The following RALYL variants were observed in gnomAD, a reference collection of about 807,000 sequenced individuals.
The protein encoded by RALYL is RNA-binding Raly-like protein.
Under a neutral mutation model 35.1 loss-of-function variants are expected in RALYL, and 29 were observed. That is an observed-to-expected ratio of 0.83 (90% confidence interval 0.61 to 1.13). RALYL has a LOEUF of 1.13. Among genes scored for constraint, RALYL ranks in the 50% most tolerant of loss-of-function variants. The probability of loss-of-function intolerance (pLI) is 0.00; values close to 1 mark genes in which losing one functional copy is unlikely to be tolerated. For synonymous variants in RALYL, 120 were observed against 127.6 expected (o/e 0.94, Z 0.40); for missense variants, 359 against 360.4 (o/e 1.00, Z 0.03).
At chr8:84,862,479 C>G in intron 6 of RALYL, 26 bp downstream of exon 6, 1 of 1,517,398 alleles carries the variant, frequency 6.6e-7, no homozygotes, top group Admixed American at 2.2e-5. Flanking sequence ...CATTTTATTT[C>G]TCTTTAAAGA....
At chr8:84,488,034 G>T (rs1488430802) in intron 1 of RALYL, among the ~76,000 whole-genome samples, 1 of 152,004 alleles carries the variant, frequency 6.6e-6, no homozygotes, top group Admixed American at 6.6e-5. Context: ...AACCAAAATA[G>T]CTTTTATTGA....
intron 1 of RALYL, among the ~76,000 whole-genome samples, chr8:84,185,776 T>C (rs925377552): frequency 5.3e-5 from 8 of 152,194 alleles, no homozygotes; most frequent in African/African-American, 1.9e-4. Context: ...TCTAGGTAAC[T>C]ACAGAAATAA....
chr8:84,316,627 T>C (rs1236502196), intron 1 of RALYL, among the ~76,000 whole-genome samples: 3 of 152,168 alleles, frequency 2.0e-5, no homozygotes, highest in Admixed American at 6.6e-5. Context: ...GATCTATTTC[T>C]TTTTTATTAA....
At chr8:84,651,251 A>G (rs1012341259) in intron 2 of RALYL, among the ~76,000 whole-genome samples, 1 of 151,784 alleles carries the variant, frequency 6.6e-6, no homozygotes, top group Non-Finnish European at 1.5e-5. Context: ...TTAAAATAAA[A>G]TAAAATTTAT....
intron 8 of RALYL, among the ~76,000 whole-genome samples, chr8:84,890,704 C>T (rs548608756): frequency 2.0e-5 from 3 of 152,112 alleles, no homozygotes; most frequent in Non-Finnish European, 2.9e-5. Context: ...ACTGTTATCA[C>T]GTTATCAATC....
chr8:84,451,471 T>A (rs758766970), intron 1 of RALYL, among the ~76,000 whole-genome samples: 2 of 151,986 alleles, frequency 1.3e-5, no homozygotes, highest in African/African-American at 2.4e-5. Context: ...ACTCATATAT[T>A]TATTTTCATT....
chr8:84,690,588 A>T (rs1407345286), intron 2 of RALYL, among the ~76,000 whole-genome samples: 1 of 152,136 alleles, frequency 6.6e-6, no homozygotes, highest in Non-Finnish European at 1.5e-5. Flanking sequence ...ATATCAAAAC[A>T]TATACAATTA....
chr8:84,835,807 T>C (rs1239363174), intron 4 of RALYL, among the ~76,000 whole-genome samples: 1 of 152,012 alleles, frequency 6.6e-6, no homozygotes, highest in Non-Finnish European at 1.5e-5. Flanking sequence ...ATGCAAAAGA[T>C]TGTGTCAAGA....
intron 1 of RALYL, among the ~76,000 whole-genome samples, chr8:84,424,940 C>A (rs1250499309): frequency 6.6e-6 from 1 of 151,568 alleles, no homozygotes; most frequent in African/African-American, 2.4e-5. Flanking sequence ...GGGAGAACCA[C>A]TCCTCTCTTC....
At chr8:84,462,332 AC>A (rs1398953264) in intron 1 of RALYL, among the ~76,000 whole-genome samples, 1 of 151,230 alleles carries the variant, frequency 6.6e-6, no homozygotes, top group African/African-American at 2.4e-5. Context: ...TATGTTTTGG[AC>A]ACCAGTCTCT....
rs184411554 is a variant in RALYL at position 84,438,635 on chromosome 8, G to A, written c.-23-90664G>A. Among the ~76,000 whole-genome samples, 22 of 151,778 alleles carry A rather than the reference G, an allele frequency of 1.4e-4. No individual in the cohort carries two copies. In the East Asian group the frequency reaches 3.1e-3, roughly 21 times the overall value. On this transcript the variant is annotated intron_variant, in intron 1 of 8. Transcript: ENST00000521268. ...TCAGATTCCTGAGCTCAAGTGATTC[G>A]CCCACCTTGACCTCCCAAAGTACTG...
At chr8:84,293,480 T>TA (rs1321693625) in intron 1 of RALYL, among the ~76,000 whole-genome samples, 8 of 152,070 alleles carry the variant, frequency 5.3e-5, no homozygotes, top group Non-Finnish European at 1.2e-4. Context: ...TTTCTACACA[T>TA]CACCTCTTGG....
At chr8:84,266,683 T>C (rs1833359259) in intron 1 of RALYL, among the ~76,000 whole-genome samples, 2 of 152,078 alleles carry the variant, frequency 1.3e-5, no homozygotes, top group African/African-American at 4.8e-5. Context: ...GTCCTTTAAA[T>C]TGATGTGAGA....
chr8:84,356,731 G>A (rs1851911174), intron 1 of RALYL, among the ~76,000 whole-genome samples: 2 of 150,172 alleles, frequency 1.3e-5, no homozygotes, highest in Non-Finnish European at 3.0e-5. Context: ...CTTTTGATTA[G>A]TAATCTGAAA....
intron 1 of RALYL, among the ~76,000 whole-genome samples, chr8:84,265,772 G>T (rs147369892): frequency 6.6e-6 from 1 of 152,248 alleles, no homozygotes; most frequent in African/African-American, 2.4e-5. Context: ...TGATTGGTTT[G>T]ATAGTACCAT....
intron 2 of RALYL, among the ~76,000 whole-genome samples, chr8:84,633,043 A>G (rs1345334440): frequency 6.6e-6 from 1 of 151,892 alleles, no homozygotes; most frequent in Non-Finnish European, 1.5e-5. Flanking sequence ...TTTTCTGGCC[A>G]TAAAATTTGA....
At chr8:84,707,795 A>G (rs1841477862) in intron 2 of RALYL, among the ~76,000 whole-genome samples, 1 of 152,168 alleles carries the variant, frequency 6.6e-6, no homozygotes, top group Non-Finnish European at 1.5e-5. Flanking sequence ...TCCTTAAATG[A>G]ATTTCTTAAA....
intron 4 of RALYL, among the ~76,000 whole-genome samples, chr8:84,835,909 G>A (rs1025563755): frequency 6.6e-5 from 10 of 151,814 alleles, no homozygotes; most frequent in African/African-American, 1.9e-4. Context: ...AAATGCTGAC[G>A]GATTAAAAGA....
At chr8:84,324,138 A>G (rs1396869463) in intron 1 of RALYL, among the ~76,000 whole-genome samples, 2 of 152,108 alleles carry the variant, frequency 1.3e-5, no homozygotes, top group Admixed American at 6.5e-5. Context: ...AATGTATCTT[A>G]GAAGGTCTCT....
Sources: allele counts gnomAD v4.1 joint callset (sites outside exome capture counted in the v4.1 genomes callset), GRCh38; gene constraint gnomAD v4.1.1; transcripts MANE v1.5; gene names NCBI Gene and HGNC (gene_info 2026-07-23, HGNC 2026-07-21).